Variants in TMTC4 observed in about 807,000 individuals in gnomAD.
TMTC4 encodes transmembrane O-mannosyltransferase targeting cadherins 4.
Under a neutral mutation model 86.0 loss-of-function variants are expected in TMTC4, and 65 were observed. The observed-to-expected ratio is 0.76, with a 90% CI of 0.62 to 0.93. The LOEUF (loss-of-function observed/expected upper bound fraction) is 0.93. TMTC4 is among the 40% of genes least tolerant of loss of function. The pLI is 0.00. For synonymous variants in TMTC4, 379 were observed against 382.5 expected, an observed-to-expected ratio of 0.99 and a Z score of 0.11; for missense variants, 866 against 948.1, an observed-to-expected ratio of 0.91 and a Z score of 1.14.
At chr13:100,651,136 C>T (rs576165390) in intron 6 of TMTC4, among the ~76,000 whole-genome samples, 191 of 152,298 alleles carry the variant, frequency 1.3e-3, no homozygotes, top group African/African-American at 4.3e-3. Context: ...CTTCTCCCCA[C>T]TATAAATGAG....
chr13:100,646,931 T>TA (rs1391081107), intron 6 of TMTC4, among the ~76,000 whole-genome samples: 9 of 152,196 alleles, frequency 5.9e-5, no homozygotes, highest in African/African-American at 2.2e-4. Flanking sequence ...ACTAAAGCTC[T>TA]AAAAAAAATT....
intron 12 of TMTC4, among the ~76,000 whole-genome samples, chr13:100,634,106 T>C (rs1188791791): frequency 6.8e-6 from 1 of 147,788 alleles, no homozygotes; most frequent in African/African-American, 2.5e-5. Context: ...ACCACTGCAC[T>C]CCAGCCTGGG....
intron 17 of TMTC4, among the ~76,000 whole-genome samples, chr13:100,609,718 T>TA (rs1328377153): frequency 6.6e-6 from 1 of 151,928 alleles, no homozygotes; most frequent in Non-Finnish European, 1.5e-5. Context: ...CATATATACA[T>TA]ATACATATTA....
chr13:100,613,456 C>T (rs1049218660), intron 16 of TMTC4, among the ~76,000 whole-genome samples: 2 of 152,160 alleles, frequency 1.3e-5, no homozygotes, highest in Non-Finnish European at 2.9e-5. Context: ...ATCTTCAAGT[C>T]GATTAGCATT....
At chr13:100,670,234 TG>T in intron 2 of TMTC4, 125 bp downstream of exon 2, 1 of 1,042,360 alleles carries the variant, frequency 9.6e-7, no homozygotes, top group Non-Finnish European at 1.4e-6. Flanking sequence ...GATCTCTAAG[TG>T]GATACCCCAG....
chr13:100,650,112 C>T (rs1036317501), intron 6 of TMTC4, among the ~76,000 whole-genome samples: 2 of 152,094 alleles, frequency 1.3e-5, no homozygotes, highest in African/African-American at 4.8e-5. Context: ...ATTTGGACAC[C>T]ATGCTGCCTC....
rs12323309 is a variant in TMTC4, at chr13:100,630,059, G to A, written c.1507-3909C>T. 3.6e-3 allele frequency among the ~76,000 whole-genome samples: 516 copies of A among 142,422 alleles called. 2 individuals are homozygous for A. The highest frequency in any genetic ancestry group is 0.012 in the African/African-American group (464 of 39,518). The allele number at this position is 142,422 out of a possible 152,430, so 93.4% of individuals were successfully genotyped here. ...TGTGTGTGTGTGTGTGTGTGTGTGT[G>A]TGTGTGTATGTGTGTGTGTGTGTTT... is the stretch of plus-strand genomic sequence containing the variant. On this transcript the variant is annotated intron_variant, in intron 12 of 18. Transcript: ENST00000342624.
In TMTC4 at chr13:100,615,059, T is replaced by C. The variant is rs1878256708; in HGVS notation, c.1837-629A>G. 8.1e-6 allele frequency: 3 copies of C among 368,612 alleles called. 1 individual carries two copies. The highest frequency in any genetic ancestry group is 6.7e-5 in the African/African-American group (3 of 45,018). 22.8% of individuals were successfully genotyped at this position (368,612 alleles called of 1,614,324 possible). A position where few individuals can be genotyped will look rare whatever the true frequency, so the allele number is the denominator to read the frequency against. On this transcript the variant is annotated intron_variant, in intron 15 of 18. Coordinates refer to ENST00000342624, the MANE Select transcript of TMTC4 (RefSeq NM_032813.5). ...GGTAAGGTAAAACCTCTTGGCAATT[T>C]TGAGTTTGTTTGCTTCATTTAGGAA...
rs555889625 is a variant in TMTC4 at position 100,666,828 on chromosome 13, A to C, written c.219+1751T>G. On this transcript the variant is annotated intron_variant, in intron 3 of 18. Transcript: ENST00000342624. ...CACAGTGAGACTCTGTCTCTACAAAAAAATTTTAAAAGTCAGCTGGGAGTG... is the reference window on the plus strand; with the variant it reads ...CACAGTGAGACTCTGTCTCTACAAACAAATTTTAAAAGTCAGCTGGGAGTG... Among the ~76,000 whole-genome samples, 3 of 152,318 alleles carry C rather than the reference A, an allele frequency of 2.0e-5. No individual in the cohort carries two copies. The South Asian group carries it at 6.2e-4, about 32-fold the overall frequency.
chr13:100,658,399 G>A (rs1885365917), intron 5 of TMTC4, among the ~76,000 whole-genome samples: 1 of 152,126 alleles, frequency 6.6e-6, no homozygotes, highest in Non-Finnish European at 1.5e-5. Context: ...GAGGAGACAG[G>A]AGCATCTCAG....
rs374099068 is a variant in TMTC4 at position 100,668,734 on chromosome 13, C to T, written c.64G>A (p.Val22Met). 82 of 1,614,106 alleles carry T rather than the reference C, an allele frequency of 5.1e-5. No homozygotes were observed. Among genetic ancestry groups the T allele is most frequent in the Non-Finnish European group, 6.7e-5 (79 of 1,180,058 alleles). ...SHQPAVFRMA[V>M]LDTDLDHILP... ...ATGTGATCCAAATCAGTGTCCAACA[C>T]GGCCATTCTGAAAACTGCAGGTTGG... Residue 22 changes from valine (V) to methionine (M), a missense_variant, in exon 3 of 19, where the codon GTG becomes ATG. Coordinates refer to ENST00000342624, the MANE Select transcript of TMTC4 (RefSeq NM_032813.5).
At chr13:100,636,773 G>T in intron 9 of TMTC4, 39 bp from the exon 10 acceptor site, 1 of 1,607,284 alleles carries the variant, frequency 6.2e-7, no homozygotes, top group South Asian at 1.1e-5. Flanking sequence ...ATTTGATACT[G>T]AACTTAAAAA....
At chr13:100,666,190 T>A in intron 3 of TMTC4, 1 of 371,252 alleles carries the variant, frequency 2.7e-6, no homozygotes, top group East Asian at 7.5e-5. Flanking sequence ...AACTCCACTG[T>A]CTCAAAGAAG....
At chr13:100,650,804 C>T (rs948825273) in intron 6 of TMTC4, among the ~76,000 whole-genome samples, 28 of 152,344 alleles carry the variant, frequency 1.8e-4, no homozygotes, top group South Asian at 6.2e-4. Context: ...GAAAACCAAG[C>T]GTCCTATCGG....
At position 100,649,477 on chromosome 13, in the gene TMTC4, T is replaced by C. The variant is rs566881648; in HGVS notation, c.640+6904A>G. Reference sequence around the variant, plus strand: ...ATTATTTTATTTCCAAGTGTGAGCATTTTAATAAGACAATTGAGACAGGTA... The same window carrying C: ...ATTATTTTATTTCCAAGTGTGAGCACTTTAATAAGACAATTGAGACAGGTA... On this transcript the variant is annotated intron_variant, in intron 6 of 18. Transcript: ENST00000342624. Among the ~76,000 whole-genome samples the C allele has an allele frequency of 3.3e-5, 5 of 152,310 alleles. No homozygotes were observed. In the East Asian group the frequency reaches 9.6e-4, roughly 29 times the overall value.
rs1053005520 is a variant in TMTC4, at chr13:100,661,787, G to A, written c.552+1177C>T. Reference sequence around the variant, plus strand: ...TAAAGTCAGATGCTAAAAACAGGACGTCTGCTCAGCATCTTGAAACTTCAA... The same window carrying A: ...TAAAGTCAGATGCTAAAAACAGGACATCTGCTCAGCATCTTGAAACTTCAA... On this transcript the variant is annotated intron_variant, in intron 5 of 18. Transcript: ENST00000342624. Among the ~76,000 whole-genome samples, 26 of 152,304 alleles carry A rather than the reference G, an allele frequency of 1.7e-4. 1 individual carries two copies. Among genetic ancestry groups the A allele is most frequent in the Admixed American group, 5.9e-4 (9 of 15,306 alleles).
chr13:100,610,186 C>T (rs1877337589), intron 17 of TMTC4, among the ~76,000 whole-genome samples: 1 of 152,198 alleles, frequency 6.6e-6, no homozygotes, highest in Admixed American at 6.5e-5. Flanking sequence ...AGGGAGCAGA[C>T]ACCTGCCCTG....
Position 100,668,608 on chromosome 13 carries a change from C to A in TMTC4, c.190G>T (p.Asp64Tyr), listed in dbSNP as rs2139062229. 6.2e-7 allele frequency: 1 copy of A among 1,614,164 alleles called. No individual in the cohort carries two copies. The highest frequency in any genetic ancestry group is 2.2e-5 in the East Asian group (1 of 44,878). Residue 64 changes from aspartate (D) to tyrosine (Y), a missense_variant, in exon 3 of 19, where the codon GAT becomes TAT. Transcript: ENST00000342624. Reference protein sequence around the residue: ...ARSYDGDFVFDDSEAIVNNKD... With the variant: ...ARSYDGDFVFYDSEAIVNNKD... Reference sequence around the variant, plus strand: ...TTGTTAACAATAGCTTCTGAGTCATCAAAGACAAAGTCTCCATCATAGCTG... The same window carrying A: ...TTGTTAACAATAGCTTCTGAGTCATAAAAGACAAAGTCTCCATCATAGCTG...
At chr13:100,623,654 T>G (rs1418225422) in intron 15 of TMTC4, among the ~76,000 whole-genome samples, 2 of 148,446 alleles carry the variant, frequency 1.3e-5, no homozygotes, top group African/African-American at 2.5e-5. Flanking sequence ...TGTTTTTTTT[T>G]TTTTTTTTTT....
Sources: allele counts gnomAD v4.1 joint callset (sites outside exome capture counted in the v4.1 genomes callset), GRCh38; gene constraint gnomAD v4.1.1; transcripts MANE v1.5; gene names NCBI Gene and HGNC (gene_info 2026-07-23, HGNC 2026-07-21).